The following WBP2NL variants were observed in gnomAD, a reference collection of about 807,000 sequenced individuals.
WBP2NL encodes the protein WBP2 N-terminal like, also known as postacrosomal sheath WW domain-binding protein.
A neutral mutation model predicts 23.3 loss-of-function variants in WBP2NL; 27 were observed. The ratio of observed to expected loss-of-function variants is 1.16; its 90% CI spans 0.85 to 1.60. WBP2NL has a LOEUF of 1.60. Among genes scored for constraint, WBP2NL ranks in the 40% most tolerant of loss-of-function variants. The pLI, the probability that WBP2NL is intolerant of heterozygous loss-of-function variation, is 0.00. For missense variants in WBP2NL, 370 were observed against 389.5 expected (o/e 0.95, Z 0.42); for synonymous variants, 151 against 145.9 (o/e 1.03, Z -0.25).
At chr22:42,003,178 C>CAGCTTA (rs1921874013) in intron 1 of WBP2NL, 1 of 144,008 alleles carries the variant, frequency 6.9e-6, no homozygotes, top group Non-Finnish European at 1.5e-5. Flanking sequence ...AAAAAAGTGC[C>CAGCTTA]AGCTTATGAG....
chr22:42,057,897 ATATATTTTTTTTTTTTTTTT>A (rs1926136528), intron 8 of WBP2NL, among the ~76,000 whole-genome samples: 1 of 21,254 alleles, frequency 4.7e-5, no homozygotes, highest in Non-Finnish European at 7.9e-5. Context: ...ATATATATAT[ATATATTTTTTTTTTTTTTTT>A]TTTTTTTTTT....
Position 42,039,205 on chromosome 22 carries a change from G to T in WBP2NL, c.*273+8382G>T, listed in dbSNP as rs192240731. Among the ~76,000 whole-genome samples the T allele has an allele frequency of 1.1e-4, 17 of 151,862 alleles. 1 individual carries two copies. Among genetic ancestry groups the T allele is most frequent in the Admixed American group, 1.0e-3 (16 of 15,248 alleles). On this transcript the variant is annotated intron_variant and NMD_transcript_variant, in intron 8 of 8. Transcript: ENST00000436265. Reference sequence around the variant, plus strand: ...TCTTGCCTCCATCTCCCAAGTAGCTGGGATTACAGGCGCCCACCACCATGC... The same window carrying T: ...TCTTGCCTCCATCTCCCAAGTAGCTTGGATTACAGGCGCCCACCACCATGC...
intron 8 of WBP2NL, among the ~76,000 whole-genome samples, chr22:42,042,745 T>C (rs1213017314): frequency 2.0e-5 from 3 of 152,198 alleles, no homozygotes; most frequent in Admixed American, 6.5e-5. Flanking sequence ...TAGCCTTGCA[T>C]AGGTGTTTGC....
Position 42,019,353 on chromosome 22 carries a change from G to A in WBP2NL, c.105G>A (p.Gln35=), listed in dbSNP as rs1923658773. The change falls in exon 2 of 6, where the codon CAG becomes CAA. Residue 35 remains glutamine (Q), a synonymous_variant. Coordinates refer to ENST00000328823, the MANE Select transcript of WBP2NL (RefSeq NM_152613.3). The part of the protein sequence containing the change: ...RSPNVELSFP[Q]RSEGSNVFSG... ...CGAATGTGGAGCTCTCCTTCCCACA[G>A]CGATCAGAAGGCTCAAATGTCTTTA... 1.9e-6 allele frequency: 3 copies of A among 1,614,162 alleles called. No individual in the cohort carries two copies. In the Middle Eastern group the frequency reaches 4.9e-4, roughly 266 times the overall value.
At chr22:42,057,382 TAC>T (rs1438382740) in intron 8 of WBP2NL, among the ~76,000 whole-genome samples, 1 of 152,172 alleles carries the variant, frequency 6.6e-6, no homozygotes, top group Non-Finnish European at 1.5e-5. Flanking sequence ...TCTTCCCCAC[TAC>T]AGTTTTATCT....
At chr22:42,055,919 CT>C (rs1926010374) in intron 8 of WBP2NL, among the ~76,000 whole-genome samples, 1 of 151,626 alleles carries the variant, frequency 6.6e-6, no homozygotes, top group Non-Finnish European at 1.5e-5. Context: ...CAACTTATGT[CT>C]TTGAGTCTAA....
At chr22:42,013,264 T>C (rs994164073) in intron 1 of WBP2NL, among the ~76,000 whole-genome samples, 6 of 151,224 alleles carry the variant, frequency 4.0e-5, no homozygotes, top group African/African-American at 1.2e-4. Flanking sequence ...CCCAGCTATA[T>C]AATCCAAGCT....
intron 1 of WBP2NL, among the ~76,000 whole-genome samples, chr22:42,018,148 C>CAA (rs573163901): frequency 0.048 from 5,841 of 121,786 alleles, 447 homozygotes; most frequent in African/African-American, 0.16. Context: ...AGACTTCTCT[C>CAA]AAAAAAAAAA....
At chr22:42,000,593 A>C (rs1921536180) in intron 1 of WBP2NL, among the ~76,000 whole-genome samples, 1 of 152,218 alleles carries the variant, frequency 6.6e-6, no homozygotes, top group Non-Finnish European at 1.5e-5. Context: ...CCAACCAGTG[A>C]ATAGTTGCCA....
chr22:42,020,887 TATATATATATATATATATA>T (rs1923872346), intron 4 of WBP2NL, among the ~76,000 whole-genome samples: 3 of 62,246 alleles, frequency 4.8e-5, no homozygotes, highest in African/African-American at 1.3e-4. Context: ...TATATATATA[TATATATATATATATATATA>T]TATTTTTTTT....
chr22:42,031,115 T>A (rs2050139487), downstream of WBP2NL: 1 of 152,248 alleles, frequency 6.6e-6, no homozygotes, highest in South Asian at 2.1e-4. Flanking sequence ...AACCAAAGGC[T>A]GTGACTGTGT....
chr22:42,018,499 GAAAA>G (rs952519841), intron 1 of WBP2NL, among the ~76,000 whole-genome samples: 4 of 151,656 alleles, frequency 2.6e-5, no homozygotes, highest in African/African-American at 9.7e-5. Context: ...GAGAAAGAAA[GAAAA>G]GAAAGAAAGA....
intron 5 of WBP2NL, among the ~76,000 whole-genome samples, chr22:42,024,358 G>A (rs942518546): frequency 8.5e-5 from 13 of 152,098 alleles, no homozygotes; most frequent in Admixed American, 5.2e-4. Context: ...TATGCATCTT[G>A]GAGTGGAATT....
At chr22:41,999,218 G>A (rs568072142) in intron 1 of WBP2NL, among the ~76,000 whole-genome samples, 1 of 152,264 alleles carries the variant, frequency 6.6e-6, no homozygotes, top group African/African-American at 2.4e-5. Flanking sequence ...GCTGACCGGC[G>A]GTTGTGAGCA....
At chr22:42,048,098 T>C (rs1386448117) in intron 8 of WBP2NL, among the ~76,000 whole-genome samples, 1 of 152,012 alleles carries the variant, frequency 6.6e-6, no homozygotes. Context: ...ACATTTGAAA[T>C]TAATATAATC....
At chr22:42,005,474 A>G (rs1167801560) in intron 1 of WBP2NL, among the ~76,000 whole-genome samples, 1 of 140,244 alleles carries the variant, frequency 7.1e-6, no homozygotes, top group East Asian at 2.2e-4. Context: ...AGATCTCGCT[A>G]CTGCATTCCA....
In WBP2NL at chr22:42,019,296, C is replaced by G; in HGVS notation, c.63-15C>G. 1.2e-6 allele frequency: 2 copies of G among 1,602,918 alleles called. No homozygotes were observed. Among genetic ancestry groups the G allele is most frequent in the Non-Finnish European group, 1.7e-6 (2 of 1,174,384 alleles). ...CATTCTTTATTGTGTGCCGTCTGTT[C>G]CTCATTTTCTACAGTCTCTTGAAGC... On this transcript the variant is annotated splice_polypyrimidine_tract_variant and intron_variant, in intron 1 of 5. Coordinates refer to ENST00000328823, the MANE Select transcript of WBP2NL (RefSeq NM_152613.3).
At chr22:42,041,481 TAAAAAA>T (rs35848343) in intron 8 of WBP2NL, among the ~76,000 whole-genome samples, 219 of 112,820 alleles carry the variant, frequency 1.9e-3, no homozygotes, top group Non-Finnish European at 3.3e-3. Flanking sequence ...GTTCTGTCTT[TAAAAAA>T]AAAAAAAAAA....
At chr22:42,003,999 C>T (rs1246458416) in intron 1 of WBP2NL, among the ~76,000 whole-genome samples, 2 of 152,204 alleles carry the variant, frequency 1.3e-5, no homozygotes, top group African/African-American at 2.4e-5. Flanking sequence ...AGGCCAGTCG[C>T]GATGGCTCAC....
Sources: allele counts gnomAD v4.1 joint callset (sites outside exome capture counted in the v4.1 genomes callset), GRCh38; gene constraint gnomAD v4.1.1; transcripts MANE v1.5; gene names NCBI Gene and HGNC (gene_info 2026-07-23, HGNC 2026-07-21).